The following CACNA1A variants were observed in gnomAD, a reference collection of about 807,000 sequenced individuals.
The protein encoded by CACNA1A is voltage-dependent P/Q-type calcium channel subunit alpha-1A.
In CACNA1A, 57 loss-of-function variants were observed where a neutral mutation model predicts 262.4. The observed-to-expected ratio is 0.22, with a 90% CI of 0.18 to 0.27. The LOEUF is 0.27. Among genes scored for constraint, CACNA1A ranks in the 10% least tolerant of loss-of-function variants. CACNA1A has a pLI of 1.00. For synonymous variants in CACNA1A, 1,431 were observed against 1,419.3 expected, an observed-to-expected ratio of 1.01 and a Z score of -0.18; for missense variants, 2,526 against 3,562.8, an observed-to-expected ratio of 0.71 and a Z score of 7.41.
intron 1 of CACNA1A, among the ~76,000 whole-genome samples, chr19:13,474,081 C>A (rs1445618411): frequency 6.6e-6 from 1 of 152,202 alleles, no homozygotes; most frequent in African/African-American, 2.4e-5. Context: ...CCAAAAGAAG[C>A]TTTTACTTTT....
chr19:13,231,229 G>A (rs2055655989), intron 35 of CACNA1A, among the ~76,000 whole-genome samples: 1 of 149,986 alleles, frequency 6.7e-6, no homozygotes, highest in Admixed American at 6.7e-5. Context: ...TGTCCAGGCT[G>A]GTCTTGTATT....
chr19:13,446,610 CTT>C (rs528828997), intron 3 of CACNA1A, among the ~76,000 whole-genome samples: 41 of 119,990 alleles, frequency 3.4e-4, no homozygotes, highest in South Asian at 5.5e-4. Flanking sequence ...CCATGCCAGG[CTT>C]TTTTTTTTTT....
intron 1 of CACNA1A, among the ~76,000 whole-genome samples, chr19:13,505,222 C>G (rs1756487730): frequency 6.6e-6 from 1 of 152,090 alleles, no homozygotes; most frequent in Admixed American, 6.5e-5. Flanking sequence ...GTTCCCCAAT[C>G]AGCGGTTAAA....
intron 3 of CACNA1A, among the ~76,000 whole-genome samples, chr19:13,399,251 G>A (rs766247568): frequency 1.3e-5 from 2 of 151,990 alleles, no homozygotes; most frequent in Non-Finnish European, 2.9e-5. Context: ...AGATGCCTTA[G>A]GACTGATCAG....
chr19:13,226,673 C>G (rs977793458), intron 37 of CACNA1A: 4 of 152,494 alleles, frequency 2.6e-5, no homozygotes, highest in African/African-American at 9.6e-5. Flanking sequence ...GCTCTCTCAG[C>G]CAGCATGCAC....
At chr19:13,307,996 C>T in intron 14 of CACNA1A, 124 bp downstream of exon 14, 1 of 1,420,432 alleles carries the variant, frequency 7.0e-7, no homozygotes, top group Non-Finnish European at 9.8e-7. Context: ...GGGCCCTGCC[C>T]ATTTGGGTGA....
At chr19:13,500,755 T>C (rs552934829) in intron 1 of CACNA1A, among the ~76,000 whole-genome samples, 2 of 152,328 alleles carry the variant, frequency 1.3e-5, no homozygotes, top group Non-Finnish European at 2.9e-5. Flanking sequence ...CCAATGTTTA[T>C]AGCAGCTCTA....
At position 13,254,837 on chromosome 19, in the gene CACNA1A, T is replaced by C. The variant is rs572315497; in HGVS notation, c.4755+258A>G. ...CATAAAGATAGGATGCCTGCTAAGA[T>C]GGGCACCTCAAGCAGTCTTGGGTGG... On this transcript the variant is annotated intron_variant, in intron 29 of 46. Coordinates refer to ENST00000360228, the MANE Select transcript of CACNA1A (RefSeq NM_001127222.2). Among the ~76,000 whole-genome samples, 7 of 152,072 alleles carry C rather than the reference T, an allele frequency of 4.6e-5. No individual in the cohort carries two copies. The South Asian group carries it at 1.5e-3, about 32-fold the overall frequency.
chr19:13,418,648 C>T (rs1429688913), intron 3 of CACNA1A, among the ~76,000 whole-genome samples: 1 of 152,028 alleles, frequency 6.6e-6, no homozygotes, highest in Admixed American at 6.6e-5. Context: ...ACTCCAAATC[C>T]AATGGAAGGA....
intron 12 of CACNA1A, among the ~76,000 whole-genome samples, chr19:13,309,701 T>C (rs543812920): frequency 1.3e-5 from 2 of 151,420 alleles, no homozygotes; most frequent in East Asian, 3.9e-4. Context: ...TCAAATAAAA[T>C]AAAAAATAAA....
rs550174226 is a variant in CACNA1A at position 13,297,276 on chromosome 19, C to A, written c.3089+1268G>T. Among the ~76,000 whole-genome samples, 11 of 152,220 alleles carry A rather than the reference C, an allele frequency of 7.2e-5. No individual in the cohort carries two copies. In the South Asian group the frequency reaches 2.1e-3, roughly 29 times the overall value. On this transcript the variant is annotated intron_variant, in intron 19 of 46. Coordinates refer to ENST00000360228, the MANE Select transcript of CACNA1A (RefSeq NM_001127222.2). ...ACACAGAAGACTATATAATTCTGGA[C>A]GACAGTGGGGCTTCTCTTAATAGTT... is the stretch of plus-strand genomic sequence containing the variant.
chr19:13,491,498 A>G (rs1980877016), intron 1 of CACNA1A, among the ~76,000 whole-genome samples: 1 of 152,080 alleles, frequency 6.6e-6, no homozygotes, highest in African/African-American at 2.4e-5. Context: ...CAAGGGCAGG[A>G]GCCAAGAAAA....
intron 44 of CACNA1A, 66 bp downstream of exon 44, chr19:13,210,551 G>A (rs2054771267): frequency 7.0e-7 from 1 of 1,433,164 alleles, no homozygotes; most frequent in Non-Finnish European, 9.6e-7. Context: ...GGGACTCCCT[G>A]GAGGGGGGGT....
intron 30 of CACNA1A, among the ~76,000 whole-genome samples, chr19:13,249,036 G>C (rs757065643): frequency 6.6e-6 from 1 of 152,028 alleles, no homozygotes; most frequent in South Asian, 2.1e-4. Context: ...TGATGTGATC[G>C]CAGCTCACTG....
chr19:13,298,891 C>A lies in CACNA1A; in HGVS notation c.2742G>T (p.Gly914=). ...HAREGSLEQP[G]FWEGEAERGK... ...CTCGCTCGGCCTCGCCCTCCCAGAACCCGGGTTGCTCCAGGCTGCCCTCCC... is the reference window on the plus strand; with the variant it reads ...CTCGCTCGGCCTCGCCCTCCCAGAAACCGGGTTGCTCCAGGCTGCCCTCCC... The change falls in exon 19 of 47, where the codon GGG becomes GGT. Residue 914 remains glycine, a synonymous_variant. Coordinates refer to ENST00000360228, the MANE Select transcript of CACNA1A (RefSeq NM_001127222.2). The A allele has an allele frequency of 6.3e-7, 1 of 1,594,404 alleles. No homozygotes were observed.
At position 13,231,702 on chromosome 19, in the gene CACNA1A, A is replaced by G. The variant is rs772508313; in HGVS notation, c.5400+8T>C. On this transcript the variant is annotated splice_region_variant and intron_variant, in intron 35 of 46. Transcript: ENST00000360228. ...CCCAGACGGCCCTCACAGTGTCCAC[A>G]GACTCACCAGAAACGAGCAGAGGAA... 1.2e-6 allele frequency: 2 copies of G among 1,607,200 alleles called. No individual in the cohort carries two copies. Among genetic ancestry groups the G allele is most frequent in the Non-Finnish European group, 1.7e-6 (2 of 1,176,818 alleles).
chr19:13,344,736 TTTTATTTA>T (rs5827191), intron 6 of CACNA1A, among the ~76,000 whole-genome samples: 13,038 of 136,114 alleles, frequency 0.096, 877 homozygotes, highest in Admixed American at 0.19. Flanking sequence ...GGATCATTTA[TTTTATTTA>T]TTTATTTATT....
At chr19:13,284,953 G>T in intron 21 of CACNA1A, 115 bp downstream of exon 21, 1 of 951,630 alleles carries the variant, frequency 1.1e-6, no homozygotes, top group Non-Finnish European at 1.6e-6. Flanking sequence ...TTGTTCAAAG[G>T]TATCCCTGGA....
chr19:13,293,140 A>G (rs1214369385), intron 19 of CACNA1A, among the ~76,000 whole-genome samples: 1 of 152,184 alleles, frequency 6.6e-6, no homozygotes, highest in Non-Finnish European at 1.5e-5. Context: ...AGTATTACTA[A>G]CAGTATTAGC....
Sources: allele counts gnomAD v4.1 joint callset (sites outside exome capture counted in the v4.1 genomes callset), GRCh38; gene constraint gnomAD v4.1.1; transcripts MANE v1.5; gene names NCBI Gene and HGNC (gene_info 2026-07-23, HGNC 2026-07-21).